FRMD3: variants seen among roughly 807,000 people sequenced by gnomAD.
FRMD3 encodes FERM domain containing 3, also known as FERM domain-containing protein 3.
In FRMD3, 33 loss-of-function variants were observed where a neutral mutation model predicts 70.2. That is an observed-to-expected ratio of 0.47 (90% CI 0.36 to 0.63). FRMD3 has a LOEUF of 0.63. FRMD3 is among the 20% of genes least tolerant of loss of function. FRMD3 has a pLI of 0.00. For synonymous variants in FRMD3, 279 were observed against 255.9 expected (o/e 1.09, Z -0.86); for missense variants, 632 against 711.4 (o/e 0.89, Z 1.27).
chr9:83,571,075 G>C, the FRMD3 span, among the ~76,000 whole-genome samples: 1 of 152,180 alleles, frequency 6.6e-6, no homozygotes, highest in Non-Finnish European at 1.5e-5. Context: ...TTGAGGCTGG[G>C]GGGGATTCCT....
intron 3 of FRMD3, among the ~76,000 whole-genome samples, chr9:83,351,159 G>C (rs1269189151): frequency 6.6e-6 from 1 of 152,118 alleles, no homozygotes; most frequent in Non-Finnish European, 1.5e-5. Flanking sequence ...TCCAGATGTA[G>C]ACGAATCCTT....
At chr9:83,257,145 G>C (rs1832745281) in intron 13 of FRMD3, among the ~76,000 whole-genome samples, 2 of 152,152 alleles carry the variant, frequency 1.3e-5, no homozygotes, top group African/African-American at 2.4e-5. Flanking sequence ...TGATAGGCTG[G>C]ATAAAGAAAA....
At chr9:83,504,024 G>A (rs373743173) in intron 1 of FRMD3, among the ~76,000 whole-genome samples, 6 of 152,284 alleles carry the variant, frequency 3.9e-5, no homozygotes, top group East Asian at 1.9e-4. Context: ...AATACACTCC[G>A]CATCCTGCTG....
intron 13 of FRMD3, among the ~76,000 whole-genome samples, chr9:83,251,642 A>G (rs1832434377): frequency 6.6e-6 from 1 of 152,230 alleles, no homozygotes; most frequent in African/African-American, 2.4e-5. Context: ...AGGGGCTGAT[A>G]GCCAGAATAG....
At chr9:83,546,397 C>A in the FRMD3 span, among the ~76,000 whole-genome samples, 1 of 152,016 alleles carries the variant, frequency 6.6e-6, no homozygotes, top group Non-Finnish European at 1.5e-5. Flanking sequence ...GCCAACAATT[C>A]TATATCCTGC....
chr9:83,363,553 C>CTTTTTTT (rs34789292), intron 3 of FRMD3, among the ~76,000 whole-genome samples: 10 of 113,338 alleles, frequency 8.8e-5, no homozygotes, highest in South Asian at 3.2e-4. Context: ...GAGACATAGG[C>CTTTTTTT]TTTTTTTTTT....
chr9:83,395,913 A>G (rs1256952536), intron 1 of FRMD3, among the ~76,000 whole-genome samples: 1 of 152,210 alleles, frequency 6.6e-6, no homozygotes, highest in Non-Finnish European at 1.5e-5. Context: ...ACAAGTTTAG[A>G]GTTTGGATAG....
chr9:83,487,725 T>C (rs1194399951), intron 1 of FRMD3, among the ~76,000 whole-genome samples: 2 of 152,116 alleles, frequency 1.3e-5, no homozygotes, highest in African/African-American at 4.8e-5. Flanking sequence ...AAATGTGAAC[T>C]AGCACAGAGG....
Position 83,244,837 on chromosome 9 carries a change from T to G in FRMD3, c.*3081A>C. 1.0e-6 allele frequency: 1 copy of G among 984,300 alleles called. No homozygotes were observed. The highest frequency in any genetic ancestry group is 1.2e-6 in the Non-Finnish European group (1 of 828,946). 61.0% of individuals were successfully genotyped at this position (984,300 alleles called of 1,614,324 possible). Reference sequence around the variant, plus strand: ...AATATTAGACAAACCACAAAATATATTCCAAATACATAACATTTTACAATA... The same window carrying G: ...AATATTAGACAAACCACAAAATATAGTCCAAATACATAACATTTTACAATA... On this transcript the variant is annotated 3_prime_UTR_variant, in exon 14 of 14. Coordinates refer to ENST00000304195, the MANE Select transcript of FRMD3 (RefSeq NM_174938.6).
At chr9:83,506,110 C>T (rs1261477093) in intron 1 of FRMD3, among the ~76,000 whole-genome samples, 3 of 152,170 alleles carry the variant, frequency 2.0e-5, no homozygotes, top group South Asian at 2.1e-4. Flanking sequence ...CTGGATGAGT[C>T]GGTTGTTCTC....
chr9:83,340,410 C>A (rs1309630540), intron 5 of FRMD3, among the ~76,000 whole-genome samples: 3 of 152,206 alleles, frequency 2.0e-5, no homozygotes, highest in Non-Finnish European at 4.4e-5. Flanking sequence ...CAAGAAAACA[C>A]AACAGGGCTC....
At chr9:83,522,739 A>G (rs1490047018) in intron 1 of FRMD3, among the ~76,000 whole-genome samples, 4 of 151,462 alleles carry the variant, frequency 2.6e-5, no homozygotes, top group African/African-American at 4.9e-5. Flanking sequence ...AATTTTTTGT[A>G]TTTTTAGTAG....
In FRMD3 at chr9:83,272,256, G is replaced by A. The variant is rs568152510; in HGVS notation, c.1195+18347C>T. Among the ~76,000 whole-genome samples, 110 of 150,748 alleles carry A rather than the reference G, an allele frequency of 7.3e-4. 1 individual carries two copies. Among genetic ancestry groups the A allele is most frequent in the African/African-American group, 2.4e-3 (98 of 41,118 alleles). ...GTGCCTGGGATTGCAGGCGGGCGCC[G>A]CCACGCCTGACTGGTTTTCGTTTTT... On this transcript the variant is annotated intron_variant, in intron 13 of 13. Coordinates refer to ENST00000304195, the MANE Select transcript of FRMD3 (RefSeq NM_174938.6).
chr9:83,484,275 A>G (rs939715943), intron 1 of FRMD3, among the ~76,000 whole-genome samples: 1 of 152,212 alleles, frequency 6.6e-6, no homozygotes, highest in Non-Finnish European at 1.5e-5. Context: ...TTCCTTGCCA[A>G]TATATAGAAT....
At chr9:83,266,322 G>A (rs1833255083) in intron 13 of FRMD3, among the ~76,000 whole-genome samples, 2 of 152,228 alleles carry the variant, frequency 1.3e-5, no homozygotes, top group South Asian at 4.1e-4. Flanking sequence ...TTTCACACAT[G>A]TGCATGAGAT....
chr9:83,470,710 T>C (rs905501872), intron 1 of FRMD3, among the ~76,000 whole-genome samples: 1 of 152,238 alleles, frequency 6.6e-6, no homozygotes, highest in Non-Finnish European at 1.5e-5. Flanking sequence ...CAAGCTAATC[T>C]GGTAGGATGT....
chr9:83,487,582 T>A (rs1326566074), intron 1 of FRMD3, among the ~76,000 whole-genome samples: 2 of 152,162 alleles, frequency 1.3e-5, no homozygotes. Flanking sequence ...ATAACAAATG[T>A]TAACTAAGTA....
intron 13 of FRMD3, among the ~76,000 whole-genome samples, chr9:83,258,714 A>C (rs1232617676): frequency 1.3e-5 from 2 of 152,214 alleles, no homozygotes; most frequent in Admixed American, 1.3e-4. Context: ...CTCTAAACCC[A>C]CATGGCAATG....
chr9:83,502,258 C>T (rs887981045), intron 1 of FRMD3, among the ~76,000 whole-genome samples: 2 of 152,092 alleles, frequency 1.3e-5, no homozygotes, highest in African/African-American at 4.8e-5. Flanking sequence ...GCTAAGGACA[C>T]AGTGGTGAGT....
Sources: allele counts gnomAD v4.1 joint callset (sites outside exome capture counted in the v4.1 genomes callset), GRCh38; gene constraint gnomAD v4.1.1; transcripts MANE v1.5; gene names NCBI Gene and HGNC (gene_info 2026-07-23, HGNC 2026-07-21).